RBFOX1: variants seen among roughly 807,000 people sequenced by gnomAD.
RBFOX1 encodes the protein RNA binding protein fox-1 homolog 1.
In RBFOX1, 8 loss-of-function variants were observed where a neutral mutation model predicts 57.7. The observed-to-expected ratio is 0.14, with a 90% confidence interval of 0.08 to 0.25. The LOEUF (loss-of-function observed/expected upper bound fraction) is 0.25. Ranked by LOEUF, RBFOX1 falls within the 10% of genes least tolerant of loss-of-function variation. The pLI, the probability that RBFOX1 is intolerant of heterozygous loss-of-function variation, is 1.00. For missense variants in RBFOX1, 611 were observed against 548.5 expected, an observed-to-expected ratio of 1.11 and a Z score of -1.14; for synonymous variants, 326 against 222.4, an observed-to-expected ratio of 1.47 and a Z score of -4.15.
At chr16:7,665,232 C>T (rs1184487580) in intron 13 of RBFOX1, among the ~76,000 whole-genome samples, 1 of 152,148 alleles carries the variant, frequency 6.6e-6, no homozygotes, top group Non-Finnish European at 1.5e-5. Flanking sequence ...GCATTTCTTT[C>T]ATGCCAACTA....
At chr16:7,008,097 G>A (rs1011925028) in intron 3 of RBFOX1, among the ~76,000 whole-genome samples, 2 of 151,952 alleles carry the variant, frequency 1.3e-5, no homozygotes, top group Non-Finnish European at 2.9e-5. Context: ...TACTCCTCTT[G>A]CCCTTTATTG....
intron 2 of RBFOX1, among the ~76,000 whole-genome samples, chr16:5,598,396 G>A (rs1191957806): frequency 2.0e-5 from 3 of 151,916 alleles, no homozygotes; most frequent in Non-Finnish European, 4.4e-5. Context: ...GAGTGTCAGC[G>A]GAGTCAAAGA....
chr16:5,761,095 T>C (rs1247485017), intron 3 of RBFOX1, among the ~76,000 whole-genome samples: 1 of 152,218 alleles, frequency 6.6e-6, no homozygotes. Context: ...TGAATGCTAA[T>C]GCAAGAGTTA....
At chr16:6,928,277 T>A (rs944199459) in intron 3 of RBFOX1, among the ~76,000 whole-genome samples, 2 of 152,136 alleles carry the variant, frequency 1.3e-5, no homozygotes, top group African/African-American at 4.8e-5. Context: ...TTTAAAAGCT[T>A]ACAGCCAAGG....
intron 4 of RBFOX1, among the ~76,000 whole-genome samples, chr16:7,491,349 C>T (rs924029141): frequency 9.3e-5 from 12 of 128,490 alleles, no homozygotes; most frequent in Admixed American, 7.1e-4. Flanking sequence ...GATTTGATAT[C>T]CTAGTAAGGG....
intron 3 of RBFOX1, among the ~76,000 whole-genome samples, chr16:6,859,187 A>ATATATATACG (rs2058559259): frequency 3.0e-4 from 19 of 64,002 alleles, no homozygotes; most frequent in African/African-American, 1.4e-3. Context: ...ATATATATGT[A>ATATATATACG]TATATATATG....
At chr16:6,969,478 T>C (rs1433240331) in intron 3 of RBFOX1, among the ~76,000 whole-genome samples, 1 of 152,052 alleles carries the variant, frequency 6.6e-6, no homozygotes, top group Non-Finnish European at 1.5e-5. Flanking sequence ...CTCATGCCTG[T>C]AATCCCAGCA....
intron 3 of RBFOX1, among the ~76,000 whole-genome samples, chr16:5,651,148 G>A (rs536615288): frequency 1.9e-4 from 27 of 141,528 alleles, no homozygotes; most frequent in African/African-American, 5.4e-4. Context: ...TGCCTCCTGG[G>A]TTCAAGCGAT....
intron 11 of RBFOX1, among the ~76,000 whole-genome samples, chr16:7,631,672 G>A (rs902788968): frequency 6.6e-6 from 1 of 152,124 alleles, no homozygotes; most frequent in Non-Finnish European, 1.5e-5. Flanking sequence ...AGTTGTAAAA[G>A]GCAGGGATGG....
intron 4 of RBFOX1, among the ~76,000 whole-genome samples, chr16:5,952,244 G>A (rs758922727): frequency 6.6e-6 from 1 of 151,168 alleles, no homozygotes; most frequent in African/African-American, 2.4e-5. Flanking sequence ...TCCACCTCCC[G>A]GGTTCAAGCG....
intron 4 of RBFOX1, among the ~76,000 whole-genome samples, chr16:5,967,147 T>C (rs1353919519): frequency 6.6e-6 from 1 of 152,094 alleles, no homozygotes; most frequent in African/African-American, 2.4e-5. Context: ...ACAGAGACCA[T>C]CTGGCCCGCA....
intron 1 of RBFOX1, among the ~76,000 whole-genome samples, chr16:6,099,366 G>C (rs2096279180): frequency 6.6e-6 from 1 of 152,200 alleles, no homozygotes; most frequent in Non-Finnish European, 1.5e-5. Flanking sequence ...ACATCTGATA[G>C]GGTCCTGTTG....
At chr16:7,343,151 G>A (rs1001426780) in intron 4 of RBFOX1, among the ~76,000 whole-genome samples, 5 of 152,110 alleles carry the variant, frequency 3.3e-5, no homozygotes, top group East Asian at 1.9e-4. Flanking sequence ...CACCGTGGGC[G>A]CTTAATAAAT....
At chr16:6,687,528 A>G (rs913647889) in intron 3 of RBFOX1, among the ~76,000 whole-genome samples, 23 of 152,348 alleles carry the variant, frequency 1.5e-4, no homozygotes, top group African/African-American at 5.3e-4. Context: ...TGCTTCAGTA[A>G]CAAACATGTC....
At chr16:6,013,590 A>T (rs1306743024) in intron 4 of RBFOX1, among the ~76,000 whole-genome samples, 1 of 152,130 alleles carries the variant, frequency 6.6e-6, no homozygotes, top group Non-Finnish European at 1.5e-5. Flanking sequence ...CACAAAACTG[A>T]CTAAGTTTTG....
chr16:7,659,202 G>T (rs2067078552), intron 12 of RBFOX1, among the ~76,000 whole-genome samples: 1 of 152,094 alleles, frequency 6.6e-6, no homozygotes, highest in African/African-American at 2.4e-5. Flanking sequence ...TATTATTTGG[G>T]GTATAGGAAA....
intron 4 of RBFOX1, among the ~76,000 whole-genome samples, chr16:7,380,654 T>C (rs947540422): frequency 1.3e-5 from 2 of 152,250 alleles, no homozygotes; most frequent in Non-Finnish European, 2.9e-5. Context: ...CCGCTGATCA[T>C]CCAAATGTTT....
chr16:6,981,445 A>G (rs149559347), intron 3 of RBFOX1, among the ~76,000 whole-genome samples: 61 of 152,318 alleles, frequency 4.0e-4, no homozygotes, highest in African/African-American at 1.4e-3. Context: ...TTTTGGATGC[A>G]TAGTATTCCA....
chr16:7,468,406 C>T (rs1432520293), intron 4 of RBFOX1, among the ~76,000 whole-genome samples: 2 of 151,740 alleles, frequency 1.3e-5, no homozygotes, highest in East Asian at 1.9e-4. Flanking sequence ...GATAAACTCA[C>T]GCTGCTACTT....
Sources: gnomAD v4.1 joint callset for allele counts (sites outside exome capture counted in the v4.1 genomes callset) on GRCh38, gnomAD v4.1.1 for gene constraint, MANE v1.5 for transcripts, NCBI Gene and HGNC (gene_info 2026-07-23, HGNC 2026-07-21) for gene names.